ARMC6: variants seen among roughly 807,000 people sequenced by gnomAD.
ARMC6 encodes the protein armadillo repeat-containing protein 6.
Under a neutral mutation model 49.2 loss-of-function variants are expected in ARMC6, and 43 were observed. The ratio of observed to expected loss-of-function variants is 0.87; its 90% CI spans 0.69 to 1.13. ARMC6 has a LOEUF of 1.13. ARMC6 is among the 50% of genes most tolerant of loss of function. ARMC6 has a pLI of 0.00. For missense variants in ARMC6, 627 were observed against 682.0 expected, an observed-to-expected ratio of 0.92 and a Z score of 0.90; for synonymous variants, 262 against 289.6, an observed-to-expected ratio of 0.90 and a Z score of 0.97.
intron 4 of ARMC6, among the ~76,000 whole-genome samples, chr19:19,046,930 T>TTG (rs1397372951): frequency 2.8e-5 from 4 of 141,980 alleles, no homozygotes; most frequent in Admixed American, 2.0e-4. Context: ...CTCACCTGTT[T>TTG]TTTTTTTTTT....
In ARMC6 at chr19:19,054,260, T is replaced by C; in HGVS notation, c.962T>C (p.Ile321Thr). The part of the protein sequence containing the change: ...QEVVDLGGLS[I>T]LVSLLADCND... ...GTCGTCGACCTCGGGGGCCTGAGCA[T>C]TCTGGTGTCCCTGCTAGCCGACTGC... Residue 321 changes from isoleucine to threonine, a missense_variant, in exon 6 of 9, where the codon ATT becomes ACT. Coordinates refer to ENST00000535612, the MANE Select transcript of ARMC6 (RefSeq NM_001199196.2). 1.9e-6 allele frequency: 3 copies of C among 1,611,824 alleles called. No individual in the cohort carries two copies. The highest frequency in any genetic ancestry group is 2.5e-6 in the Non-Finnish European group (3 of 1,179,012).
At chr19:19,041,509 C>T (rs745962567) in intron 2 of ARMC6, among the ~76,000 whole-genome samples, 7 of 152,008 alleles carry the variant, frequency 4.6e-5, no homozygotes, top group Non-Finnish European at 8.8e-5. Context: ...CCACCATGCC[C>T]GGTTAATTTT....
intron 5 of ARMC6, among the ~76,000 whole-genome samples, chr19:19,052,585 T>C (rs1229416849): frequency 6.6e-6 from 1 of 152,198 alleles, no homozygotes; most frequent in Non-Finnish European, 1.5e-5. Flanking sequence ...CTTGATCATA[T>C]TCAGCCACAA....
At chr19:19,044,196 C>T in intron 4 of ARMC6, 122 bp downstream of exon 4, 1 of 1,015,788 alleles carries the variant, frequency 9.8e-7, no homozygotes, top group South Asian at 1.4e-5. Context: ...CATGCATGGG[C>T]AAGCTTGAGT....
chr19:19,044,948 C>T (rs757786840), intron 4 of ARMC6, among the ~76,000 whole-genome samples: 1 of 152,154 alleles, frequency 6.6e-6, no homozygotes, highest in Non-Finnish European at 1.5e-5. Context: ...AAAATTGCCT[C>T]GTTGTTGTTA....
rs1253754513 is a variant in ARMC6 at position 19,057,882 on chromosome 19, C to T, written c.*254C>T. The T allele has an allele frequency of 1.1e-5, 7 of 632,848 alleles. No homozygotes were observed. The highest frequency in any genetic ancestry group is 3.6e-5 in the African/African-American group (2 of 55,704). 39.2% of individuals were successfully genotyped at this position (632,848 alleles called of 1,614,324 possible). ...CACGGATGTTACTGTCCTGCTCCTT[C>T]CCCCAGCCCCACGCCCTACCAGAGG... On this transcript the variant is annotated 3_prime_UTR_variant, in exon 9 of 9. Transcript: ENST00000535612.
chr19:19,057,828 C>A lies in ARMC6; in HGVS notation c.*200C>A. On this transcript the variant is annotated 3_prime_UTR_variant, in exon 9 of 9. Coordinates refer to ENST00000535612, the MANE Select transcript of ARMC6 (RefSeq NM_001199196.2). ...ACACAGAAGAAAGCAGCCCCCATGT[C>A]CCAGCCACTTCTGGGTCCCAGCCAG... The A allele has an allele frequency of 1.3e-6, 1 of 744,002 alleles. No homozygotes were observed. The highest frequency in any genetic ancestry group is 2.4e-6 in the Non-Finnish European group (1 of 411,126). 46.1% of individuals were successfully genotyped at this position (744,002 alleles called of 1,614,324 possible). A position where few individuals can be genotyped will look rare whatever the true frequency, so the allele number is the denominator to read the frequency against.
intron 4 of ARMC6, among the ~76,000 whole-genome samples, chr19:19,047,267 G>A (rs1164836455): frequency 6.6e-6 from 1 of 152,150 alleles, no homozygotes; most frequent in East Asian, 1.9e-4. Flanking sequence ...TCAGCGGTCA[G>A]TTCGCAACTG....
rs931275541 is a variant in ARMC6 at position 19,055,045 on chromosome 19, C to T, written c.1024-220C>T. On this transcript the variant is annotated intron_variant, in intron 6 of 8. Coordinates refer to ENST00000535612, the MANE Select transcript of ARMC6 (RefSeq NM_001199196.2). This position sits in a 1 kb window ranked among gnomAD's most constrained non-coding sequence, Gnocchi z 5.7. ...AAGGCCGGCCTGAGTCACATGCCCC[C>T]GCTGCCCCTGTCGGGGTAGGGGATC... Among the ~76,000 whole-genome samples, 1 of 152,172 alleles carries T rather than the reference C, an allele frequency of 6.6e-6. No homozygotes were observed. The highest frequency in any genetic ancestry group is 6.5e-5 in the Admixed American group (1 of 15,286).
chr19:19,051,375 CTGTGTGTGTG>C lies in ARMC6; in HGVS notation c.280-215_280-206del, dbSNP rs35164662. Among the ~76,000 whole-genome samples, 82 of 139,762 alleles carry C rather than the reference CTGTGTGTGTG, an allele frequency of 5.9e-4. 1 individual carries two copies. The Middle Eastern group carries it at 0.01, about 18-fold the overall frequency. The allele number at this position is 139,762 out of a possible 152,430, so 91.7% of individuals were successfully genotyped here. ...GTTGTCTGGATCTCTCTCTCTCTCT[CTGTGTGTGTG>C]TGTGTGTGTGTGTGTGTGTGTGTGT... On this transcript the variant is annotated intron_variant, in intron 4 of 8. Transcript: ENST00000535612.
intron 4 of ARMC6, among the ~76,000 whole-genome samples, chr19:19,051,398 TG>T (rs2059495421): frequency 1.3e-5 from 2 of 151,838 alleles, no homozygotes; most frequent in African/African-American, 4.8e-5. Context: ...TGTGTGTGTG[TG>T]TGTGTGTGTG....
chr19:19,049,157 A>G (rs775912906), intron 4 of ARMC6, among the ~76,000 whole-genome samples: 1 of 151,242 alleles, frequency 6.6e-6, no homozygotes, highest in East Asian at 1.9e-4. Context: ...GGCTCAAGCA[A>G]TTCTTCAGCC....
At position 19,051,617 on chromosome 19, in the gene ARMC6, C is replaced by T; in HGVS notation, c.280-5C>T. On this transcript the variant is annotated splice_polypyrimidine_tract_variant and splice_region_variant and intron_variant, in intron 4 of 8. Transcript: ENST00000535612. ...TGATGCTGAGGTTTCTCCCATGTCTCCCAGATGCTCAGTGACCTCCAGGAG... is the reference window on the plus strand; with the variant it reads ...TGATGCTGAGGTTTCTCCCATGTCTTCCAGATGCTCAGTGACCTCCAGGAG... 6.3e-7 allele frequency: 1 copy of T among 1,583,804 alleles called. No individual in the cohort carries two copies. The highest frequency in any genetic ancestry group is 8.6e-7 in the Non-Finnish European group (1 of 1,164,108).
chr19:19,038,898 TAC>T (rs35676976), intron 2 of ARMC6, among the ~76,000 whole-genome samples: 21,932 of 147,178 alleles, frequency 0.15, 1,796 homozygotes, highest in Middle Eastern at 0.27. Context: ...TTTGTGTGTA[TAC>T]ACACACACAC....
chr19:19,053,563 G>A (rs916284693), intron 5 of ARMC6, among the ~76,000 whole-genome samples: 4 of 152,096 alleles, frequency 2.6e-5, no homozygotes, highest in African/African-American at 7.2e-5. Context: ...ATACCTCCAC[G>A]GCAACACCTA....
rs745541250 is a variant in ARMC6 at position 19,057,517 on chromosome 19, A to G, written c.1395A>G (p.Arg465=). The change falls in exon 9 of 9, where the codon CGA becomes CGG. Residue 465 remains arginine (R), a synonymous_variant. Transcript: ENST00000535612. ...LGAEALIMQA[R]SAHRDCEDVA... is the part of the protein sequence containing the mutation. ...CTGAGGCACTCATCATGCAGGCCCG[A>G]TCTGCCCACCGTGACTGTGAGGACG... 3.7e-6 allele frequency: 6 copies of G among 1,613,860 alleles called. No homozygotes were observed. In the South Asian group the frequency reaches 6.6e-5, roughly 18 times the overall value.
chr19:19,055,428 G>C lies in ARMC6; in HGVS notation c.1155+32G>C, dbSNP rs375920271. The C allele has an allele frequency of 1.5e-4, 232 of 1,562,958 alleles. No individual in the cohort carries two copies. Among genetic ancestry groups the C allele is most frequent in the Non-Finnish European group, 1.9e-4 (218 of 1,154,716 alleles). On this transcript the variant is annotated intron_variant, in intron 7 of 8. Transcript: ENST00000535612. The surrounding 1 kb of genome is among the most constrained non-coding windows in gnomAD (Gnocchi z 5.7). ...ACCTCGGGGGGCACACACAGTAGCA[G>C]GGTGGTGGCTGGAGTCCCAGTTCAG...
At chr19:19,042,949 C>G in intron 3 of ARMC6, 72 bp downstream of exon 3, 1 of 1,569,564 alleles carries the variant, frequency 6.4e-7, no homozygotes, top group African/African-American at 1.3e-5. Context: ...CCCTGCTGCC[C>G]CGCCCCACTG....
chr19:19,054,691 A>G (rs2059528815), intron 6 of ARMC6, among the ~76,000 whole-genome samples: 1 of 152,040 alleles, frequency 6.6e-6, no homozygotes, highest in Admixed American at 6.5e-5. Context: ...GTGCCCATCC[A>G]CAGCAGGGAG....
Sources: gnomAD v4.1 joint callset for allele counts (sites outside exome capture counted in the v4.1 genomes callset) on GRCh38, gnomAD v4.1.1 for gene constraint, Gnocchi (gnomAD v3.1) non-coding constraint, MANE v1.5 for transcripts, NCBI Gene and HGNC (gene_info 2026-07-23, HGNC 2026-07-21) for gene names.